Variants in LRRC4C observed in about 807,000 individuals in gnomAD.
LRRC4C encodes leucine rich repeat containing 4C.
Under a neutral mutation model 33.6 loss-of-function variants are expected in LRRC4C, and 5 were observed. The ratio of observed to expected loss-of-function variants is 0.15; its 90% CI spans 0.08 to 0.31. LRRC4C has a LOEUF of 0.31. LRRC4C is among the 10% of genes least tolerant of loss of function. LRRC4C has a pLI of 1.00. For synonymous variants in LRRC4C, 329 were observed against 302.0 expected, an observed-to-expected ratio of 1.09 and a Z score of -0.93; for missense variants, 560 against 796.7, an observed-to-expected ratio of 0.70 and a Z score of 3.58.
intron 5 of LRRC4C, among the ~76,000 whole-genome samples, chr11:40,235,325 T>A (rs934129557): frequency 2.0e-5 from 3 of 152,232 alleles, no homozygotes; most frequent in African/African-American, 7.2e-5. Flanking sequence ...TTGATTATAT[T>A]ATTAGCATAA....
intron 1 of LRRC4C, among the ~76,000 whole-genome samples, chr11:41,208,493 T>C (rs1350564909): frequency 6.6e-6 from 1 of 152,162 alleles, no homozygotes; most frequent in African/African-American, 2.4e-5. Flanking sequence ...AATCACTCTC[T>C]AAAGGATTAC....
chr11:41,243,509 C>T (rs1451115624), intron 1 of LRRC4C, among the ~76,000 whole-genome samples: 1 of 152,152 alleles, frequency 6.6e-6, no homozygotes, highest in Non-Finnish European at 1.5e-5. Context: ...CTTTCCTTCC[C>T]AGATAAGTAT....
chr11:41,258,119 A>G (rs903932143), intron 1 of LRRC4C, among the ~76,000 whole-genome samples: 21 of 152,096 alleles, frequency 1.4e-4, no homozygotes, highest in African/African-American at 4.8e-4. Context: ...ATTTCAACAC[A>G]TGGTGCTGAA....
At chr11:41,020,599 C>T (rs1024892133) in intron 1 of LRRC4C, among the ~76,000 whole-genome samples, 2 of 152,042 alleles carry the variant, frequency 1.3e-5, no homozygotes, top group African/African-American at 2.4e-5. Flanking sequence ...TTGCTAGCAG[C>T]CCCCCAAAGC....
chr11:41,231,795 AT>A (rs1947811964), intron 1 of LRRC4C, among the ~76,000 whole-genome samples: 1 of 151,858 alleles, frequency 6.6e-6, no homozygotes, highest in Non-Finnish European at 1.5e-5. Context: ...ATATATATGT[AT>A]ATATACAAAT....
At chr11:41,000,715 T>C (rs941312077) in intron 1 of LRRC4C, among the ~76,000 whole-genome samples, 6 of 152,146 alleles carry the variant, frequency 3.9e-5, no homozygotes, top group African/African-American at 1.4e-4. Context: ...GCTTTACTCA[T>C]TCGTCTCCCC....
At chr11:40,916,247 T>C (rs1199133410) in intron 2 of LRRC4C, among the ~76,000 whole-genome samples, 1 of 152,174 alleles carries the variant, frequency 6.6e-6, no homozygotes, top group East Asian at 1.9e-4. Flanking sequence ...CACATGCACA[T>C]GTATGTTTAT....
chr11:40,246,899 C>T (rs1807415912), intron 4 of LRRC4C, among the ~76,000 whole-genome samples: 1 of 152,060 alleles, frequency 6.6e-6, no homozygotes, highest in Non-Finnish European at 1.5e-5. Flanking sequence ...CTATTTTTGC[C>T]ATGACTTATC....
At chr11:41,353,536 T>C (rs1952055182) in intron 1 of LRRC4C, among the ~76,000 whole-genome samples, 1 of 152,112 alleles carries the variant, frequency 6.6e-6, no homozygotes, top group South Asian at 2.1e-4. Flanking sequence ...GCTAGCTTTG[T>C]TCTGATGCCA....
chr11:41,314,813 A>C (rs1437109163), intron 1 of LRRC4C, among the ~76,000 whole-genome samples: 2 of 152,154 alleles, frequency 1.3e-5, no homozygotes, highest in Non-Finnish European at 2.9e-5. Context: ...AAAAAAAACT[A>C]TAAGTAAAGA....
At chr11:40,781,956 T>A (rs77789156) in intron 2 of LRRC4C, among the ~76,000 whole-genome samples, 1 of 152,170 alleles carries the variant, frequency 6.6e-6, no homozygotes, top group South Asian at 2.1e-4. Context: ...ATACAAAAAA[T>A]GCCATTTGCA....
intron 1 of LRRC4C, among the ~76,000 whole-genome samples, chr11:40,967,543 C>T (rs1345847573): frequency 6.6e-6 from 1 of 151,974 alleles, no homozygotes; most frequent in Non-Finnish European, 1.5e-5. Flanking sequence ...CTTCATGTCT[C>T]AATGTCATGT....
intron 3 of LRRC4C, among the ~76,000 whole-genome samples, chr11:40,599,535 T>C (rs529199553): frequency 6.6e-6 from 1 of 152,170 alleles, no homozygotes; most frequent in Admixed American, 6.5e-5. Flanking sequence ...TTTTTGACCA[T>C]GTTTTTGCCT....
intron 3 of LRRC4C, among the ~76,000 whole-genome samples, chr11:40,366,974 A>G (rs1948236165): frequency 6.6e-6 from 1 of 152,130 alleles, no homozygotes; most frequent in South Asian, 2.1e-4. Context: ...TAATAACTAT[A>G]CTACATCTGT....
intron 1 of LRRC4C, among the ~76,000 whole-genome samples, chr11:41,345,656 C>T (rs1951779629): frequency 6.6e-6 from 1 of 151,954 alleles, no homozygotes; most frequent in Admixed American, 6.6e-5. Context: ...ATGGTCTTGC[C>T]ATTTGCAGTG....
At chr11:40,573,562 A>G (rs999947888) in intron 3 of LRRC4C, among the ~76,000 whole-genome samples, 2 of 152,172 alleles carry the variant, frequency 1.3e-5, no homozygotes, top group Non-Finnish European at 1.5e-5. Context: ...TCAGAAATTT[A>G]TGAGCCCCAG....
intron 2 of LRRC4C, among the ~76,000 whole-genome samples, chr11:40,862,268 G>C (rs1954142511): frequency 6.6e-6 from 1 of 152,016 alleles, no homozygotes; most frequent in Non-Finnish European, 1.5e-5. Flanking sequence ...GTTTTTTCTT[G>C]CTGTTATTTT....
At chr11:40,663,110 T>C (rs1310944838) in intron 2 of LRRC4C, among the ~76,000 whole-genome samples, 1 of 152,212 alleles carries the variant, frequency 6.6e-6, no homozygotes, top group East Asian at 1.9e-4. Flanking sequence ...AGACGGAGTC[T>C]CACTCTGTTG....
intron 1 of LRRC4C, among the ~76,000 whole-genome samples, chr11:41,015,227 C>G (rs891755306): frequency 2.6e-5 from 4 of 152,098 alleles, no homozygotes; most frequent in African/African-American, 9.7e-5. Context: ...TACAATCACA[C>G]TATTATATTT....
Sources: gnomAD v4.1 joint callset for allele counts (sites outside exome capture counted in the v4.1 genomes callset) on GRCh38, gnomAD v4.1.1 for gene constraint, MANE v1.5 for transcripts, NCBI Gene and HGNC (gene_info 2026-07-23, HGNC 2026-07-21) for gene names.